The following STPG2 variants were observed in gnomAD, a reference collection of about 807,000 sequenced individuals.
The protein encoded by STPG2 is sperm-tail PG-rich repeat-containing protein 2.
STPG2 carries 56 observed loss-of-function variants against 54.2 expected under a neutral mutation model. The observed-to-expected ratio is 1.03, with a 90% confidence interval of 0.83 to 1.29. The LOEUF is 1.29. Among genes scored for constraint, STPG2 ranks in the 50% most tolerant of loss-of-function variants. The probability of loss-of-function intolerance (pLI) is 0.00; values close to 1 mark genes in which losing one functional copy is unlikely to be tolerated. For missense variants in STPG2, 596 were observed against 544.9 expected (o/e 1.09, Z -0.93); for synonymous variants, 200 against 181.8 (o/e 1.10, Z -0.81).
intron 10 of STPG2, among the ~76,000 whole-genome samples, chr4:97,678,064 G>A (rs1722908546): frequency 6.6e-6 from 1 of 151,746 alleles, no homozygotes. Flanking sequence ...GTAGATGTTA[G>A]TAATTATATG....
In STPG2 at chr4:97,532,914, G is replaced by A. The variant is rs569991976; in HGVS notation, c.462+179785C>T. 6.6e-5 allele frequency among the ~76,000 whole-genome samples: 10 copies of A among 152,000 alleles called. No individual in the cohort carries two copies. The South Asian group carries it at 1.2e-3, about 19-fold the overall frequency. The stretch of plus-strand genomic sequence containing the variant: ...CTTTTTTCTTTTGAGATGGAGTTTC[G>A]CTCTGTCACCCAGGCTGGAGCGCAG... On this transcript the variant is annotated intron_variant, in intron 4 of 4. Coordinates refer to the STPG2 transcript ENST00000522676.
intron 10 of STPG2, among the ~76,000 whole-genome samples, chr4:97,635,671 A>C (rs1721490133): frequency 6.6e-6 from 1 of 152,174 alleles, no homozygotes; most frequent in African/African-American, 2.4e-5. Flanking sequence ...GGAAAACAAA[A>C]AAAGGCAGGG....
At chr4:97,654,439 A>G (rs1722163291) in intron 10 of STPG2, among the ~76,000 whole-genome samples, 1 of 152,050 alleles carries the variant, frequency 6.6e-6, no homozygotes, top group Non-Finnish European at 1.5e-5. Flanking sequence ...GGTGTTTCAC[A>G]AGGTTTGATA....
At chr4:97,655,200 T>C (rs1722188274) in intron 10 of STPG2, among the ~76,000 whole-genome samples, 1 of 152,066 alleles carries the variant, frequency 6.6e-6, no homozygotes. Context: ...GGGCTGAATC[T>C]TAAACTTTTA....
intron 4 of STPG2, among the ~76,000 whole-genome samples, chr4:97,542,891 G>A (rs999487245): frequency 2.3e-4 from 35 of 151,912 alleles, no homozygotes; most frequent in Admixed American, 5.9e-4. Context: ...ACCTAACACC[G>A]CATGTTCTCA....
chr4:97,528,990 A>C (rs1485219004), intron 4 of STPG2, among the ~76,000 whole-genome samples: 2 of 152,088 alleles, frequency 1.3e-5, no homozygotes, highest in Non-Finnish European at 2.9e-5. Context: ...CTCTTGCCTG[A>C]CTGCCCTGGC....
chr4:97,824,817 G>C (rs906696990), intron 9 of STPG2, among the ~76,000 whole-genome samples: 1 of 152,104 alleles, frequency 6.6e-6, no homozygotes. Context: ...GCCATTTTAC[G>C]GGGGCAGCCT....
chr4:97,567,757 T>C (rs1408672016), intron 10 of STPG2, among the ~76,000 whole-genome samples: 2 of 151,920 alleles, frequency 1.3e-5, no homozygotes, highest in African/African-American at 4.8e-5. Flanking sequence ...ATATTACATA[T>C]AGATAAAATA....
At chr4:97,667,783 G>T (rs967145378) in intron 10 of STPG2, among the ~76,000 whole-genome samples, 5 of 152,024 alleles carry the variant, frequency 3.3e-5, no homozygotes, top group African/African-American at 4.8e-5. Context: ...TCTACATTTT[G>T]CCATTCTCTC....
At chr4:97,908,804 G>T (rs1174480669) in intron 8 of STPG2, among the ~76,000 whole-genome samples, 1 of 142,954 alleles carries the variant, frequency 7.0e-6, no homozygotes, top group Non-Finnish European at 1.5e-5. Context: ...TCATAGGTGG[G>T]AATTGAACAA....
chr4:98,035,427 G>T (rs532295832), intron 5 of STPG2, among the ~76,000 whole-genome samples: 1 of 151,962 alleles, frequency 6.6e-6, no homozygotes, highest in African/African-American at 2.4e-5. Context: ...TTAGAAAGGC[G>T]ATCATTAAAA....
chr4:98,143,274 G>C lies in STPG2; in HGVS notation c.-124C>G. 1.5e-6 allele frequency: 1 copy of C among 674,584 alleles called. No individual in the cohort carries two copies. The highest frequency in any genetic ancestry group is 2.5e-6 in the Non-Finnish European group (1 of 398,510). 41.8% of individuals were successfully genotyped at this position (674,584 alleles called of 1,614,324 possible). A position where few individuals can be genotyped will look rare whatever the true frequency, so the allele number is the denominator to read the frequency against. ...CTGAGGAGGCCGGGAAAGAACTTCCGTAAACAGGGAAATTAGGGGTGGGGT... is the reference window on the plus strand; with the variant it reads ...CTGAGGAGGCCGGGAAAGAACTTCCCTAAACAGGGAAATTAGGGGTGGGGT... On this transcript the variant is annotated 5_prime_UTR_variant, in exon 1 of 11. An upstream open reading frame in the 5' UTR gains an earlier in-frame stop. Coordinates refer to ENST00000295268, the MANE Select transcript of STPG2 (RefSeq NM_174952.3).
intron 5 of STPG2, among the ~76,000 whole-genome samples, chr4:98,014,371 G>T (rs1025553649): frequency 2.6e-5 from 4 of 152,082 alleles, no homozygotes; most frequent in African/African-American, 9.7e-5. Flanking sequence ...GCTCTCAGGT[G>T]GGCTGCGGCA....
At chr4:98,069,773 ATAG>A (rs778318519) in intron 5 of STPG2, among the ~76,000 whole-genome samples, 13 of 152,068 alleles carry the variant, frequency 8.5e-5, no homozygotes, top group South Asian at 8.3e-4. Context: ...ATGTTCTCAG[ATAG>A]TAAATATAGA....
chr4:97,510,907 G>C (rs1364606203), intron 4 of STPG2, among the ~76,000 whole-genome samples: 4 of 152,088 alleles, frequency 2.6e-5, no homozygotes, highest in Non-Finnish European at 5.9e-5. Flanking sequence ...GTTTGAGGCT[G>C]TACATCGCTG....
intron 10 of STPG2, among the ~76,000 whole-genome samples, chr4:97,702,609 C>T (rs1723811313): frequency 6.6e-6 from 1 of 152,098 alleles, no homozygotes; most frequent in South Asian, 2.1e-4. Context: ...GGGTTTATCT[C>T]CTCAGACAAA....
intron 3 of STPG2, among the ~76,000 whole-genome samples, chr4:98,122,823 G>A (rs192422858): frequency 4.3e-4 from 66 of 152,020 alleles, no homozygotes; most frequent in Non-Finnish European, 1.2e-4. Context: ...GGCTTTTTTC[G>A]GTTGGTAGGC....
chr4:98,084,444 T>A (rs962715897), intron 5 of STPG2, among the ~76,000 whole-genome samples: 4 of 152,222 alleles, frequency 2.6e-5, no homozygotes, highest in African/African-American at 4.8e-5. Flanking sequence ...AAGTATTTGG[T>A]GAACATATAT....
At chr4:97,906,374 A>G (rs1731420488) in intron 8 of STPG2, among the ~76,000 whole-genome samples, 1 of 152,230 alleles carries the variant, frequency 6.6e-6, no homozygotes, top group Non-Finnish European at 1.5e-5. Context: ...GCAATAGTCA[A>G]TAGCTTACCA....
Sources: allele counts gnomAD v4.1 joint callset (sites outside exome capture counted in the v4.1 genomes callset), GRCh38; gene constraint gnomAD v4.1.1; transcripts MANE v1.5; gene names NCBI Gene and HGNC (gene_info 2026-07-23, HGNC 2026-07-21).